ARHGEF28: variants seen among roughly 807,000 people sequenced by gnomAD.
ARHGEF28 encodes Rho guanine nucleotide exchange factor 28, also known as 190 kDa guanine nucleotide exchange factor.
ARHGEF28 carries 152 observed loss-of-function variants against 206.6 expected under a neutral mutation model. The ratio of observed to expected loss-of-function variants is 0.74; its 90% CI spans 0.64 to 0.84. ARHGEF28 has a LOEUF of 0.84. Ranked by LOEUF, ARHGEF28 falls within the 40% of genes least tolerant of loss-of-function variation. ARHGEF28 has a pLI of 0.00. For synonymous variants in ARHGEF28, 763 were observed against 776.4 expected (o/e 0.98, Z 0.29); for missense variants, 2,028 against 2,073.2 (o/e 0.98, Z 0.42).
intron 4 of ARHGEF28, among the ~76,000 whole-genome samples, chr5:73,759,184 A>T (rs1274033891): frequency 6.6e-6 from 1 of 152,210 alleles, no homozygotes. Context: ...CAAAAGTCAG[A>T]TTAAGAGTAC....
At chr5:73,790,222 A>G (rs1029218781) in intron 7 of ARHGEF28, among the ~76,000 whole-genome samples, 4 of 151,950 alleles carry the variant, frequency 2.6e-5, no homozygotes, top group Admixed American at 1.3e-4. Flanking sequence ...AGGTGCCAGG[A>G]AAGTTTCTAT....
chr5:73,940,912 G>T lies in ARHGEF28; in HGVS notation c.5017G>T (p.Ala1673Ser). The change falls in exon 36 of 36, where the codon GCG (alanine) becomes TCG (serine). Residue 1673 changes from alanine to serine, a missense_variant. Coordinates refer to ENST00000513042, the MANE Select transcript of ARHGEF28 (RefSeq NM_001177693.2). ...DSNSHRPQLQ[A>S]FITEAKLNLP... ...AAATTCACACCGCCCTCAACTGCAG[G>T]CGTTTATAACAGAAGCAAAGCTAAA... The T allele has an allele frequency of 6.5e-7, 1 of 1,534,548 alleles. No individual in the cohort carries two copies. The highest frequency in any genetic ancestry group is 8.7e-7 in the Non-Finnish European group (1 of 1,146,596).
chr5:73,800,173 A>C (rs750682974), intron 9 of ARHGEF28, among the ~76,000 whole-genome samples: 1 of 152,094 alleles, frequency 6.6e-6, no homozygotes, highest in African/African-American at 2.4e-5. Context: ...TCATGCATGC[A>C]TTTCTTTTTT....
At position 73,725,760 on chromosome 5, in the gene ARHGEF28, A is replaced by C. The variant is rs1750234031; in HGVS notation, c.34-24077A>C. 2.6e-5 allele frequency among the ~76,000 whole-genome samples: 4 copies of C among 152,250 alleles called. No homozygotes were observed. The South Asian group carries it at 8.3e-4, about 32-fold the overall frequency. ...AATTCATTCACATGCCTGATTTGTAAAGCCAGGTCTATCTTCCTGATTTTC... is the reference window on the plus strand; with the variant it reads ...AATTCATTCACATGCCTGATTTGTACAGCCAGGTCTATCTTCCTGATTTTC... On this transcript the variant is annotated intron_variant, in intron 2 of 35. Transcript: ENST00000513042.
chr5:73,753,142 G>A lies in ARHGEF28; in HGVS notation c.415G>A (p.Ala139Thr), dbSNP rs1382234418. The A allele has an allele frequency of 6.4e-7, 1 of 1,561,062 alleles. No homozygotes were observed. The highest frequency in any genetic ancestry group is 1.4e-5 in the African/African-American group (1 of 73,520). Residue 139 changes from alanine (A) to threonine (T), a missense_variant, in exon 4 of 36, where the codon GCT becomes ACT. Physicochemically the swap from Ala to Thr is moderately conservative, Grantham distance 58. Coordinates refer to ENST00000513042, the MANE Select transcript of ARHGEF28 (RefSeq NM_001177693.2). ...TGCCTTGGATGAGGAGCTCGTGCTG[G>A]CTCTGACCCATCTGGAATTGCCTCT... ...LPALDEELVLALTHLELPLEW... is the reference protein window; with the variant it reads ...LPALDEELVLTLTHLELPLEW...
chr5:73,700,367 G>A (rs537649776), intron 2 of ARHGEF28, among the ~76,000 whole-genome samples: 1 of 152,224 alleles, frequency 6.6e-6, no homozygotes, highest in South Asian at 2.1e-4. Context: ...TCTACTGTTT[G>A]AATTTTTTAC....
chr5:73,845,986 CAAAAAAA>C (rs57600570), intron 11 of ARHGEF28, among the ~76,000 whole-genome samples: 227 of 63,758 alleles, frequency 3.6e-3, no homozygotes, highest in Admixed American at 4.8e-3. Context: ...AAAACTGTCT[CAAAAAAA>C]AAAAAAAAAA....
intron 35 of ARHGEF28, among the ~76,000 whole-genome samples, chr5:73,915,281 T>C (rs968709039): frequency 6.6e-6 from 1 of 152,220 alleles, no homozygotes; most frequent in Non-Finnish European, 1.5e-5. Context: ...TTAGCTTTAC[T>C]TTTTTCTCAT....
At chr5:73,852,258 T>C (rs1261546523) in intron 13 of ARHGEF28, among the ~76,000 whole-genome samples, 3 of 152,208 alleles carry the variant, frequency 2.0e-5, no homozygotes, top group Non-Finnish European at 4.4e-5. Context: ...TTGAGCTTTG[T>C]TTAAAAGCAG....
intron 11 of ARHGEF28, among the ~76,000 whole-genome samples, chr5:73,845,986 C>CAAAAAAAAAAAAAAAAA (rs57600570): frequency 5.6e-4 from 36 of 63,756 alleles, no homozygotes; most frequent in Non-Finnish European, 9.2e-4. Context: ...AAAACTGTCT[C>CAAAAAAAAAAAAAAAAA]AAAAAAAAAA....
chr5:73,637,631 A>G (rs1743810162), intron 1 of ARHGEF28, among the ~76,000 whole-genome samples: 1 of 152,172 alleles, frequency 6.6e-6, no homozygotes. Flanking sequence ...GTTCTTTCCA[A>G]AGCTTTTTTA....
At chr5:73,659,030 A>G (rs1745420114) in intron 1 of ARHGEF28, among the ~76,000 whole-genome samples, 1 of 151,458 alleles carries the variant, frequency 6.6e-6, no homozygotes, top group African/African-American at 2.4e-5. Flanking sequence ...AGGGGACTGT[A>G]TATTTCTTGT....
intron 16 of ARHGEF28, among the ~76,000 whole-genome samples, chr5:73,861,353 T>C (rs771672768): frequency 3.9e-5 from 6 of 152,242 alleles, no homozygotes; most frequent in Non-Finnish European, 8.8e-5. Context: ...ATAGTATTTA[T>C]AGAAGTTATA....
rs771395365 is a variant in ARHGEF28 at position 73,894,518 on chromosome 5, C to T, written c.3784C>T (p.Pro1262Ser). 3 of 1,613,934 alleles carry T rather than the reference C, an allele frequency of 1.9e-6. No individual in the cohort carries two copies. Among genetic ancestry groups the T allele is most frequent in the East Asian group, 2.2e-5 (1 of 44,872 alleles). Residue 1262 changes from proline (P) to serine (S), a missense_variant, in exon 29 of 36, where the codon CCT (proline) becomes TCT (serine). Physicochemically the swap from Pro to Ser is moderately conservative, Grantham distance 74 (BLOSUM62 -1). Transcript: ENST00000513042. ...TCTAGAGCCCCACCTCCTTATTAAA[C>T]CTGACCCAGGCGAGCCTCCCCAGGC... ...VHLEPHLLIK[P>S]DPGEPPQAAS...
chr5:73,672,710 T>C (rs917075156), intron 1 of ARHGEF28, among the ~76,000 whole-genome samples: 4 of 152,216 alleles, frequency 2.6e-5, no homozygotes, highest in Non-Finnish European at 5.9e-5. Context: ...GAACAATACA[T>C]TAAACAGACT....
intron 35 of ARHGEF28, among the ~76,000 whole-genome samples, chr5:73,916,721 G>A (rs1158077914): frequency 6.6e-6 from 1 of 152,100 alleles, no homozygotes; most frequent in Non-Finnish European, 1.5e-5. Flanking sequence ...GGGGGACACA[G>A]TTCAGCTCTT....
chr5:73,641,136 A>G (rs1427231037), intron 1 of ARHGEF28, among the ~76,000 whole-genome samples: 1 of 152,256 alleles, frequency 6.6e-6, no homozygotes, highest in Admixed American at 6.5e-5. Context: ...TTGTTTAGCT[A>G]GAGGATAAGA....
At chr5:73,842,102 G>A (rs920908552) in intron 11 of ARHGEF28, among the ~76,000 whole-genome samples, 3 of 152,052 alleles carry the variant, frequency 2.0e-5, no homozygotes, top group Non-Finnish European at 4.4e-5. Flanking sequence ...CTATCTGATT[G>A]TCTATTTTCT....
At chr5:73,938,028 C>T (rs1561211012) in intron 35 of ARHGEF28, among the ~76,000 whole-genome samples, 1 of 152,158 alleles carries the variant, frequency 6.6e-6, no homozygotes, top group Non-Finnish European at 1.5e-5. Context: ...ACCACAACCA[C>T]CTCCAGTAAT....
Sources: gnomAD v4.1 joint callset for allele counts (sites outside exome capture counted in the v4.1 genomes callset) on GRCh38, gnomAD v4.1.1 for gene constraint, MANE v1.5 for transcripts, NCBI Gene and HGNC (gene_info 2026-07-23, HGNC 2026-07-21) for gene names.